The following CALN1 variants were observed in gnomAD, a reference collection of about 807,000 sequenced individuals.
CALN1 encodes calneuron 1.
Under a neutral mutation model 30.6 loss-of-function variants are expected in CALN1, and 17 were observed. The ratio of observed to expected loss-of-function variants is 0.56; its 90% CI spans 0.38 to 0.83. The LOEUF (loss-of-function observed/expected upper bound fraction) is 0.83. Among genes scored for constraint, CALN1 ranks in the 40% least tolerant of loss-of-function variants. The pLI, the probability that CALN1 is intolerant of heterozygous loss-of-function variation, is 0.00. For synonymous variants in CALN1, 156 were observed against 131.4 expected (o/e 1.19, Z -1.28); for missense variants, 291 against 354.9 (o/e 0.82, Z 1.45).
At chr7:72,330,498 C>T (rs1411069663) in intron 2 of CALN1, among the ~76,000 whole-genome samples, 1 of 150,916 alleles carries the variant, frequency 6.6e-6, no homozygotes, top group African/African-American at 2.4e-5. Context: ...AGAGAGAGAC[C>T]TTTGTTGGCC....
rs1797821872 is a variant in CALN1 at position 72,282,808 on chromosome 7, C to CT, written c.120-3999dup. Among the ~76,000 whole-genome samples, 6 of 152,234 alleles carry CT rather than the reference C, an allele frequency of 3.9e-5. No homozygotes were observed. The South Asian group carries it at 1.2e-3, about 32-fold the overall frequency. On this transcript the variant is annotated intron_variant, in intron 2 of 6. Coordinates refer to ENST00000395275, the MANE Select transcript of CALN1 (RefSeq NM_031468.4). ...GTGGCTCATGCCTGTAAACCCAGAA[C>CT]TTTGAGAGGTTAAGGCAGGCAGATC...
chr7:71,942,935 T>C (rs1796212054), intron 5 of CALN1, among the ~76,000 whole-genome samples: 1 of 152,096 alleles, frequency 6.6e-6, no homozygotes, highest in South Asian at 2.1e-4. Context: ...AATGTAACCG[T>C]TTGTGTATCA....
chr7:71,962,227 T>TA (rs11355636), intron 5 of CALN1, among the ~76,000 whole-genome samples: 7,287 of 137,306 alleles, frequency 0.053, 242 homozygotes, highest in African/African-American at 0.11. Flanking sequence ...ACCCCATCTC[T>TA]AAAAAAAAAA....
At chr7:72,050,477 G>C (rs932345420) in intron 4 of CALN1, among the ~76,000 whole-genome samples, 1 of 152,096 alleles carries the variant, frequency 6.6e-6, no homozygotes, top group Admixed American at 6.6e-5. Context: ...GAAATAAGCA[G>C]ACCTCATTCT....
intron 5 of CALN1, among the ~76,000 whole-genome samples, chr7:71,824,620 C>T (rs923238156): frequency 1.3e-5 from 2 of 152,018 alleles, no homozygotes; most frequent in Admixed American, 6.6e-5. Context: ...GATTTGTGAG[C>T]GAGTCCAATC....
intron 5 of CALN1, among the ~76,000 whole-genome samples, chr7:71,922,274 C>T (rs1794984897): frequency 7.2e-5 from 11 of 152,020 alleles, no homozygotes; most frequent in Admixed American, 7.2e-4. Context: ...ATTTGCATAA[C>T]TTGGCATGGC....
intron 5 of CALN1, among the ~76,000 whole-genome samples, chr7:71,967,081 G>A (rs945213379): frequency 2.0e-5 from 3 of 152,082 alleles, no homozygotes; most frequent in Admixed American, 6.6e-5. Context: ...TTCCAATAAC[G>A]TAGTGGATAA....
At chr7:72,409,411 T>TCC (rs976582709) in intron 1 of CALN1, among the ~76,000 whole-genome samples, 32 of 144,182 alleles carry the variant, frequency 2.2e-4, no homozygotes, top group African/African-American at 7.8e-4. Context: ...TCCACATACC[T>TCC]CCCTTCCTCA....
At chr7:71,906,567 C>G (rs1794147297) in intron 5 of CALN1, among the ~76,000 whole-genome samples, 1 of 152,110 alleles carries the variant, frequency 6.6e-6, no homozygotes, top group Admixed American at 6.5e-5. Context: ...CATGACAGAC[C>G]AGGCACTGGG....
intron 2 of CALN1, among the ~76,000 whole-genome samples, chr7:72,363,753 G>A (rs1803709385): frequency 7.3e-6 from 1 of 136,568 alleles, no homozygotes; most frequent in Admixed American, 7.8e-5. Flanking sequence ...TTGAGAGGGA[G>A]TCTTGCTCTG....
chr7:72,163,558 T>C (rs962938298), intron 3 of CALN1, among the ~76,000 whole-genome samples: 2 of 152,130 alleles, frequency 1.3e-5, no homozygotes, highest in Non-Finnish European at 2.9e-5. Context: ...AATAGGTGAC[T>C]AGATGGAGAA....
upstream of CALN1, among the ~76,000 whole-genome samples, chr7:72,413,164 C>T (rs1036285180): frequency 6.6e-6 from 1 of 152,012 alleles, no homozygotes; most frequent in Non-Finnish European, 1.5e-5. Flanking sequence ...CTTACACATA[C>T]ACTCATATGT....
chr7:72,397,714 T>TCTCTCACACA (rs142607076), intron 2 of CALN1, among the ~76,000 whole-genome samples: 6 of 142,912 alleles, frequency 4.2e-5, no homozygotes, highest in East Asian at 2.1e-4. Context: ...CCATTCTCTC[T>TCTCTCACACA]CACACACACA....
At chr7:72,146,832 A>G (rs1786784502) in intron 3 of CALN1, among the ~76,000 whole-genome samples, 1 of 152,336 alleles carries the variant, frequency 6.6e-6, no homozygotes, top group South Asian at 2.1e-4. Flanking sequence ...CAACTATCTG[A>G]TCTTTGACAA....
chr7:71,840,161 T>A (rs1308520956), intron 5 of CALN1, among the ~76,000 whole-genome samples: 1 of 152,116 alleles, frequency 6.6e-6, no homozygotes, highest in Non-Finnish European at 1.5e-5. Context: ...GTTGCAAAAG[T>A]GTTCTAACAG....
At chr7:72,245,350 G>A (rs965971237) in intron 3 of CALN1, among the ~76,000 whole-genome samples, 2 of 152,198 alleles carry the variant, frequency 1.3e-5, no homozygotes, top group Non-Finnish European at 2.9e-5. Flanking sequence ...TGGGCACAGT[G>A]GCTCACGCCT....
At chr7:72,330,066 G>A (rs1562893635) in intron 2 of CALN1, among the ~76,000 whole-genome samples, 3 of 151,970 alleles carry the variant, frequency 2.0e-5, no homozygotes, top group Non-Finnish European at 2.9e-5. Context: ...TGAGGCAGGC[G>A]GATCACCTGA....
At chr7:71,845,755 GTTAAGA>G (rs1447224677) in intron 5 of CALN1, among the ~76,000 whole-genome samples, 1 of 152,024 alleles carries the variant, frequency 6.6e-6, no homozygotes, top group Non-Finnish European at 1.5e-5. Context: ...TTCCCGCTGG[GTTAAGA>G]TTAACACTCT....
At chr7:72,433,075 C>A (rs1408826349) in intron 1 of CALN1, among the ~76,000 whole-genome samples, 1 of 152,146 alleles carries the variant, frequency 6.6e-6, no homozygotes, top group African/African-American at 2.4e-5. Context: ...GGGTGTTGGA[C>A]AATCTCATTG....
Sources: allele counts gnomAD v4.1 joint callset (sites outside exome capture counted in the v4.1 genomes callset), GRCh38; gene constraint gnomAD v4.1.1; transcripts MANE v1.5; gene names NCBI Gene and HGNC (gene_info 2026-07-23, HGNC 2026-07-21).